SLC28A2: variants seen among roughly 807,000 people sequenced by gnomAD.
The protein encoded by SLC28A2 is sodium/nucleoside cotransporter 2.
In SLC28A2, 69 loss-of-function variants were observed where a neutral mutation model predicts 72.9. That is an observed-to-expected ratio of 0.95 (90% confidence interval 0.78 to 1.16). The LOEUF (loss-of-function observed/expected upper bound fraction) is 1.16. Ranked by LOEUF, SLC28A2 falls within the 50% of genes most tolerant of loss-of-function variation. SLC28A2 has a pLI of 0.00. For missense variants in SLC28A2, 745 were observed against 791.1 expected (o/e 0.94, Z 0.70); for synonymous variants, 296 against 294.1 (o/e 1.01, Z -0.07).
At chr15:45,274,125 G>A (rs1019301919) in intron 17 of SLC28A2, among the ~76,000 whole-genome samples, 2 of 152,102 alleles carry the variant, frequency 1.3e-5, no homozygotes, top group African/African-American at 4.8e-5. Context: ...CTTGGAGGTA[G>A]TTGCAGGACC....
At chr15:45,266,041 C>T in intron 9 of SLC28A2, 40 bp from the exon 10 acceptor site, 1 of 1,389,240 alleles carries the variant, frequency 7.2e-7, no homozygotes, top group Non-Finnish European at 1.0e-6. Context: ...CTCCAAGATT[C>T]CTGCTAACAT....
intron 14 of SLC28A2, 84 bp from the exon 15 acceptor site, chr15:45,270,111 C>G: frequency 1.1e-6 from 1 of 901,908 alleles, no homozygotes; most frequent in Non-Finnish European, 1.8e-6. Context: ...TGGGGGCTGT[C>G]AGTACTCTGG....
chr15:45,262,268 G>C (rs1245091506), intron 4 of SLC28A2, among the ~76,000 whole-genome samples, 162 bp downstream of exon 4: 1 of 152,108 alleles, frequency 6.6e-6, no homozygotes, highest in Non-Finnish European at 1.5e-5. Context: ...ATAATGTATT[G>C]AATTGCACTT....
chr15:45,267,902 C>A (rs1900397866), intron 12 of SLC28A2, 106 bp downstream of exon 12: 1 of 1,337,780 alleles, frequency 7.5e-7, no homozygotes, highest in Admixed American at 1.8e-5. Context: ...AATGTGATTC[C>A]ATATTCCTTC....
chr15:45,268,297 CT>C lies in SLC28A2; in HGVS notation c.1292del (p.Leu431TrpfsTer33). 2 of 1,612,822 alleles carry C rather than the reference CT, an allele frequency of 1.2e-6. No homozygotes were observed. The highest frequency in any genetic ancestry group is 1.7e-6 in the Non-Finnish European group (2 of 1,178,920). On this transcript the variant is annotated frameshift_variant, in exon 13 of 18. Coordinates refer to ENST00000347644, the MANE Select transcript of SLC28A2 (RefSeq NM_004212.4). LOFTEE classifies it high-confidence loss of function. ...CTAATGTAGCAGCCAACCTGATTGC[CT>C]TTTTGGCTGTGTTGGCCTTCATCAA... ...ATNVAANLIAFLAVLAFINAA... is the reference protein window; with the variant it reads ...ATNVAANLIAXLAVLAFINAA...
intron 8 of SLC28A2, 79 bp downstream of exon 8, chr15:45,265,245 A>C: frequency 9.7e-7 from 1 of 1,029,808 alleles, no homozygotes; most frequent in East Asian, 2.4e-5. Context: ...GTGTGTGTCC[A>C]AGAGATCAGC....
intron 2 of SLC28A2, 42 bp from the exon 3 acceptor site, chr15:45,253,390 G>A: frequency 6.3e-7 from 1 of 1,575,310 alleles, no homozygotes; most frequent in Non-Finnish European, 8.7e-7. Flanking sequence ...ATCATCCCTG[G>A]CAGGGCTCCA....
At chr15:45,264,448 A>G (rs1215187531) in intron 6 of SLC28A2, among the ~76,000 whole-genome samples, 1 of 152,218 alleles carries the variant, frequency 6.6e-6, no homozygotes, top group Non-Finnish European at 1.5e-5. Context: ...CTCTAGACAC[A>G]TTTTTTAAAA....
intron 4 of SLC28A2, 52 bp downstream of exon 4, chr15:45,262,158 T>C (rs759318097): frequency 7.3e-7 from 1 of 1,370,216 alleles, no homozygotes; most frequent in East Asian, 2.3e-5. Flanking sequence ...TTTAGAAATT[T>C]GCCTTGTGTC....
chr15:45,256,305 G>A (rs1165958214), intron 3 of SLC28A2, among the ~76,000 whole-genome samples: 1 of 152,128 alleles, frequency 6.6e-6, no homozygotes, highest in African/African-American at 2.4e-5. Flanking sequence ...AAAGTGCTGA[G>A]ATTACAGGTG....
At chr15:45,273,235 A>G (rs2140584741) in intron 17 of SLC28A2, among the ~76,000 whole-genome samples, 1 of 152,324 alleles carries the variant, frequency 6.6e-6, no homozygotes, top group East Asian at 1.9e-4. Flanking sequence ...AGACTTAGCA[A>G]TGGTTATAAG....
At chr15:45,258,150 G>A (rs1339671759) in intron 3 of SLC28A2, among the ~76,000 whole-genome samples, 1 of 152,180 alleles carries the variant, frequency 6.6e-6, no homozygotes, top group Non-Finnish European at 1.5e-5. Flanking sequence ...TTGAACCTGG[G>A]AGGCGGAGGT....
At chr15:45,261,006 G>A (rs538733675) in intron 3 of SLC28A2, among the ~76,000 whole-genome samples, 1 of 152,266 alleles carries the variant, frequency 6.6e-6, no homozygotes, top group Admixed American at 6.5e-5. Context: ...TAGATGGGAG[G>A]GGCAGCCATG....
intron 12 of SLC28A2, 139 bp downstream of exon 12, chr15:45,267,935 A>G (rs1900398750): frequency 6.2e-6 from 7 of 1,134,022 alleles, no homozygotes; most frequent in Non-Finnish European, 9.0e-6. Flanking sequence ...GGTGCTTGCT[A>G]ATCATGCTGG....
At chr15:45,268,153 T>C in intron 12 of SLC28A2, 57 bp from the exon 13 acceptor site, 1 of 1,515,682 alleles carries the variant, frequency 6.6e-7, no homozygotes, top group East Asian at 2.3e-5. Flanking sequence ...TTCTCTTCTC[T>C]GAGGGGCTGA....
At position 45,276,440 on chromosome 15, in the gene SLC28A2, C is replaced by G. The variant is rs1347988624; in HGVS notation, c.*927C>G. 6.6e-6 allele frequency: 1 copy of G among 151,644 alleles called. No homozygotes were observed. Among genetic ancestry groups the G allele is most frequent in the Non-Finnish European group, 1.5e-5 (1 of 67,964 alleles). 9.4% of individuals were successfully genotyped at this position (151,644 alleles called of 1,614,324 possible). ...GCACATGTATACATATGTAACTAAC[C>G]TGCATATTGTGCACATGTACCCTAA... On this transcript the variant is annotated 3_prime_UTR_variant, in exon 18 of 18. Transcript: ENST00000347644.
chr15:45,260,298 T>C (rs1360975031), intron 3 of SLC28A2, among the ~76,000 whole-genome samples: 1 of 152,170 alleles, frequency 6.6e-6, no homozygotes, highest in African/African-American at 2.4e-5. Flanking sequence ...CCAGAGGACA[T>C]GGGAGTACAT....
In SLC28A2 at chr15:45,277,735, T is replaced by C. The variant is rs912860313; in HGVS notation, c.*2222T>C. 2 of 147,578 alleles carry C rather than the reference T, an allele frequency of 1.4e-5. 1 individual carries two copies. Among genetic ancestry groups the C allele is most frequent in the African/African-American group, 5.0e-5 (2 of 40,032 alleles). 9.1% of individuals were successfully genotyped at this position (147,578 alleles called of 1,614,324 possible). A position where few individuals can be genotyped will look rare whatever the true frequency, so the allele number is the denominator to read the frequency against. On this transcript the variant is annotated 3_prime_UTR_variant, in exon 18 of 18. Transcript: ENST00000347644. ...GTGATGGGAATGTTTTGGAACGAGA[T>C]AGAGGTGGTGGTTGTGCAACATTGT...
chr15:45,255,512 T>G (rs1431649664), intron 3 of SLC28A2: 2 of 152,198 alleles, frequency 1.3e-5, no homozygotes, highest in African/African-American at 2.4e-5. Context: ...TAAAACTTAA[T>G]TTTTAAAAAG....
Sources: gnomAD v4.1 joint callset for allele counts (sites outside exome capture counted in the v4.1 genomes callset) on GRCh38, gnomAD v4.1.1 for gene constraint, MANE v1.5 for transcripts, NCBI Gene and HGNC (gene_info 2026-07-23, HGNC 2026-07-21) for gene names.